The following SIN3B variants were observed in gnomAD, a reference collection of about 807,000 sequenced individuals.
SIN3B encodes the protein paired amphipathic helix protein Sin3b.
Under a neutral mutation model 120.2 loss-of-function variants are expected in SIN3B, and 19 were observed. The ratio of observed to expected loss-of-function variants is 0.16; its 90% CI spans 0.11 to 0.23. SIN3B has a LOEUF of 0.23. Among genes scored for constraint, SIN3B ranks in the 10% least tolerant of loss-of-function variants. SIN3B has a pLI of 1.00. For missense variants in SIN3B, 1,073 were observed against 1,573.0 expected (o/e 0.68, Z 5.38); for synonymous variants, 654 against 653.2 (o/e 1.00, Z -0.02).
chr19:16,876,437 C>A lies in SIN3B; in HGVS notation c.2767-49C>A. On this transcript the variant is annotated intron_variant, in intron 15 of 18. Transcript: ENST00000248054. The surrounding 1 kb of genome is among the most constrained non-coding windows in gnomAD (Gnocchi z 7.1). ...GTGGCCTTGCGAGCCTGCGCTGTGC[C>A]GGCTGGGCTGTGCCGGCAGTGGAGG... 1 of 1,586,126 alleles carries A rather than the reference C, an allele frequency of 6.3e-7. No homozygotes were observed. The highest frequency in any genetic ancestry group is 1.1e-5 in the South Asian group (1 of 89,690).
intron 8 of SIN3B, 62 bp downstream of exon 8, chr19:16,854,323 T>G (rs1341298121): frequency 3.0e-6 from 3 of 997,678 alleles, no homozygotes; most frequent in Non-Finnish European, 4.5e-6. Flanking sequence ...TCCATCTACT[T>G]GGTTTTTAGT....
chr19:16,829,932 C>A lies in SIN3B; in HGVS notation c.227+35C>A, dbSNP rs1447805071. 2.0e-6 allele frequency: 3 copies of A among 1,502,142 alleles called. No individual in the cohort carries two copies. The African/African-American group carries it at 4.1e-5, about 21-fold the overall frequency. The allele number at this position is 1,502,142 out of a possible 1,614,324, so 93.1% of individuals were successfully genotyped here. ...GGGCCCCTCTCCACCTCAGGGGACC[C>A]CCCTGGGCCGGAATCGGGCCTAGCG... On this transcript the variant is annotated intron_variant, in intron 2 of 18. Transcript: ENST00000248054.
At chr19:16,844,431 G>T (rs1007655094) in intron 4 of SIN3B, among the ~76,000 whole-genome samples, 2 of 152,150 alleles carry the variant, frequency 1.3e-5, no homozygotes, top group African/African-American at 4.8e-5. Flanking sequence ...GTGCCAATGA[G>T]CCTGGGTTCA....
intron 10 of SIN3B, among the ~76,000 whole-genome samples, chr19:16,864,425 C>T (rs574895735): frequency 8.5e-5 from 13 of 152,132 alleles, no homozygotes; most frequent in African/African-American, 3.1e-4. Context: ...ACCTCCCAGG[C>T]TCAAATGATC....
At chr19:16,856,562 A>C (rs1971617039) in intron 8 of SIN3B, among the ~76,000 whole-genome samples, 1 of 152,044 alleles carries the variant, frequency 6.6e-6, no homozygotes, top group African/African-American at 2.4e-5. Flanking sequence ...CATGGAGAAA[A>C]ATACACGTGA....
chr19:16,832,388 G>A (rs1971290722), intron 3 of SIN3B, among the ~76,000 whole-genome samples: 1 of 151,652 alleles, frequency 6.6e-6, no homozygotes, highest in Non-Finnish European at 1.5e-5. Flanking sequence ...AGTAGAGATG[G>A]GGTTTCTTCA....
At chr19:16,835,261 C>T (rs900236892) in intron 3 of SIN3B, among the ~76,000 whole-genome samples, 25 of 144,888 alleles carry the variant, frequency 1.7e-4, no homozygotes, top group Admixed American at 1.6e-3. Flanking sequence ...CAGAGTCTCG[C>T]TGTGTTGCCC....
chr19:16,858,839 A>G (rs1971650183), intron 8 of SIN3B, among the ~76,000 whole-genome samples: 1 of 152,162 alleles, frequency 6.6e-6, no homozygotes. Flanking sequence ...AGTCCCAGCT[A>G]CTTGGGAGGC....
chr19:16,840,229 G>A (rs1971400039), intron 3 of SIN3B, among the ~76,000 whole-genome samples: 1 of 152,260 alleles, frequency 6.6e-6, no homozygotes, highest in Non-Finnish European at 1.5e-5. Context: ...TGGAGATGGA[G>A]CCTTTGAAGA....
chr19:16,847,688 A>G (rs991755044), intron 5 of SIN3B, among the ~76,000 whole-genome samples: 14 of 152,224 alleles, frequency 9.2e-5, no homozygotes, highest in Admixed American at 4.6e-4. Context: ...TGAAGCTGCC[A>G]GGGCCGCCTG....
chr19:16,856,061 A>C (rs1971610547), intron 8 of SIN3B, among the ~76,000 whole-genome samples: 1 of 152,166 alleles, frequency 6.6e-6, no homozygotes. Flanking sequence ...TGTATCCAAA[A>C]AATATATGTA....
intron 4 of SIN3B, among the ~76,000 whole-genome samples, chr19:16,845,746 A>C (rs1490868799): frequency 2.0e-5 from 3 of 151,728 alleles, no homozygotes; most frequent in Admixed American, 1.3e-4. Flanking sequence ...TTTAGATAGG[A>C]TCTTGCTCTG....
At chr19:16,843,995 G>A (rs4808532) in intron 4 of SIN3B, 65,471 of 152,134 alleles carry the variant, frequency 0.43, 14,316 homozygotes, top group Non-Finnish European at 0.46. Context: ...GACTACAGGC[G>A]CTCACTCCGA....
chr19:16,850,528 C>T (rs557649821), intron 5 of SIN3B, among the ~76,000 whole-genome samples: 3 of 152,176 alleles, frequency 2.0e-5, no homozygotes, highest in Admixed American at 1.3e-4. Context: ...CTGATCGCTG[C>T]GGGCTGATTT....
intron 8 of SIN3B, among the ~76,000 whole-genome samples, chr19:16,860,755 C>G (rs1971677230): frequency 6.6e-6 from 1 of 152,016 alleles, no homozygotes; most frequent in South Asian, 2.1e-4. Context: ...GCGCCCGCCA[C>G]CACGCCCAGC....
intron 4 of SIN3B, among the ~76,000 whole-genome samples, chr19:16,846,684 C>G (rs965778375): frequency 6.6e-6 from 1 of 152,212 alleles, no homozygotes; most frequent in Admixed American, 6.5e-5. Flanking sequence ...TGACCTTGTA[C>G]TTCCCCGGCC....
chr19:16,831,428 G>A, intron 2 of SIN3B, 66 bp from the exon 3 acceptor site: 1 of 1,502,940 alleles, frequency 6.7e-7, no homozygotes, highest in Non-Finnish European at 9.1e-7. Context: ...CAAGGGAGTG[G>A]GGAATAGATT....
At chr19:16,848,035 T>G (rs1971500864) in intron 5 of SIN3B, among the ~76,000 whole-genome samples, 1 of 152,204 alleles carries the variant, frequency 6.6e-6, no homozygotes, top group Non-Finnish European at 1.5e-5. Flanking sequence ...CTCCTCTCAC[T>G]CAGCATCATG....
intron 3 of SIN3B, among the ~76,000 whole-genome samples, chr19:16,841,439 G>A (rs996954627): frequency 6.6e-6 from 1 of 152,112 alleles, no homozygotes; most frequent in African/African-American, 2.4e-5. Flanking sequence ...ATTATATGCA[G>A]CCCAGCACTT....
Sources: gnomAD v4.1 joint callset for allele counts (sites outside exome capture counted in the v4.1 genomes callset) on GRCh38, gnomAD v4.1.1 for gene constraint, Gnocchi (gnomAD v3.1) non-coding constraint, MANE v1.5 for transcripts, NCBI Gene and HGNC (gene_info 2026-07-23, HGNC 2026-07-21) for gene names.